SEL1L2: variants seen among roughly 807,000 people sequenced by gnomAD.
The protein encoded by SEL1L2 is protein sel-1 homolog 2.
In SEL1L2, 89 loss-of-function variants were observed where a neutral mutation model predicts 98.8. That is an observed-to-expected ratio of 0.90 (90% CI 0.76 to 1.07). The LOEUF (loss-of-function observed/expected upper bound fraction) is 1.07, where lower values mean the gene tolerates loss of function less well. Ranked by LOEUF, SEL1L2 falls within the 50% of genes least tolerant of loss-of-function variation. SEL1L2 has a pLI of 0.00. For synonymous variants in SEL1L2, 262 were observed against 278.5 expected, an observed-to-expected ratio of 0.94 and a Z score of 0.59; for missense variants, 788 against 812.0, an observed-to-expected ratio of 0.97 and a Z score of 0.36.
chr20:13,969,347 C>T (rs969772137), intron 1 of SEL1L2, among the ~76,000 whole-genome samples: 9 of 152,180 alleles, frequency 5.9e-5, no homozygotes, highest in Non-Finnish European at 1.0e-4. Context: ...TCCAAATCTT[C>T]CATCATGTTT....
chr20:13,993,421 G>C (rs2052574698), upstream of SEL1L2, among the ~76,000 whole-genome samples: 4 of 152,304 alleles, frequency 2.6e-5, no homozygotes, highest in Middle Eastern at 6.8e-3. Context: ...CACATTTCAA[G>C]TACTTTAGGG....
At chr20:13,908,470 T>TAATA (rs2048075670) in intron 5 of SEL1L2, among the ~76,000 whole-genome samples, 2 of 152,300 alleles carry the variant, frequency 1.3e-5, no homozygotes, top group South Asian at 2.1e-4. Context: ...CCTTCTTGTC[T>TAATA]GGCAAATTAA....
At chr20:13,946,909 C>T (rs1027807259) in intron 2 of SEL1L2, among the ~76,000 whole-genome samples, 15 of 152,230 alleles carry the variant, frequency 9.9e-5, no homozygotes, top group African/African-American at 1.4e-4. Flanking sequence ...GCCTCAGCCC[C>T]TCTGGACTTT....
intron 2 of SEL1L2, among the ~76,000 whole-genome samples, chr20:13,940,491 G>A (rs548202130): frequency 2.0e-5 from 3 of 152,288 alleles, no homozygotes; most frequent in Non-Finnish European, 4.4e-5. Context: ...GTAGGGGGGT[G>A]ATATCATACA....
intron 10 of SEL1L2, 126 bp downstream of exon 10, chr20:13,885,221 A>G: frequency 1.4e-6 from 1 of 697,354 alleles, no homozygotes; most frequent in South Asian, 1.7e-5. Context: ...TAGCTGACCA[A>G]GGAAGCATCA....
chr20:13,860,618 C>T lies in SEL1L2; in HGVS notation c.1646-1184G>A, dbSNP rs6033837. 8.5e-5 allele frequency among the ~76,000 whole-genome samples: 13 copies of T among 152,094 alleles called. No homozygotes were observed. In the South Asian group the frequency reaches 1.0e-3, roughly 12 times the overall value. On this transcript the variant is annotated intron_variant, in intron 17 of 19. Transcript: ENST00000284951. ...CCACTTCCTAAATGTGGAATGTCAA[C>T]GGCTCGCTCCCAACTCCTTTTTTTC...
At chr20:13,990,627 G>A (rs1422594995), upstream of SEL1L2, 15 of 933,960 alleles carry the variant, frequency 1.6e-5, no homozygotes, top group Non-Finnish European at 2.5e-5. Context: ...GGTGGGGGCA[G>A]GAGTCAGTTG....
intron 5 of SEL1L2, among the ~76,000 whole-genome samples, chr20:13,896,167 C>T (rs546158890): frequency 6.6e-6 from 1 of 150,948 alleles, no homozygotes; most frequent in East Asian, 2.0e-4. Flanking sequence ...AGAGTGAGGC[C>T]CCATCTCAAA....
chr20:13,938,682 G>A (rs574112234), intron 2 of SEL1L2, among the ~76,000 whole-genome samples: 1 of 152,094 alleles, frequency 6.6e-6, no homozygotes, highest in African/African-American at 2.4e-5. Flanking sequence ...GTCTAACTGT[G>A]AGCAAATTAA....
Position 13,919,023 on chromosome 20 carries a change from T to C in SEL1L2, c.384A>G (p.Glu128=). Reference sequence around the variant, plus strand: ...AAGGTCACTGGATAAAGACTTACTCTTCTTTTTGTTTTTGGCTTTTAGACT... The same window carrying C: ...AAGGTCACTGGATAAAGACTTACTCCTCTTTTTGTTTTTGGCTTTTAGACT... ...LQQSKSQKQK[E]EAYLLFAKAA... The change falls in exon 4 of 20, where the codon GAA becomes GAG. Residue 128 remains glutamate (E), a splice_region_variant and synonymous_variant. Transcript: ENST00000284951. The C allele has an allele frequency of 6.2e-7, 1 of 1,606,062 alleles. No individual in the cohort carries two copies. The highest frequency in any genetic ancestry group is 1.1e-5 in the South Asian group (1 of 90,290).
intron 18 of SEL1L2, among the ~76,000 whole-genome samples, chr20:13,856,151 T>G (rs76584903): frequency 2.6e-5 from 3 of 113,566 alleles, no homozygotes; most frequent in Non-Finnish European, 3.9e-5. Flanking sequence ...TTTTTTGGGG[T>G]TTTTTTTTTT....
At chr20:13,932,982 C>T (rs971255923) in intron 2 of SEL1L2, among the ~76,000 whole-genome samples, 3 of 151,728 alleles carry the variant, frequency 2.0e-5, no homozygotes, top group Non-Finnish European at 4.4e-5. Context: ...TGGAGGCGTC[C>T]GGATTGCCTG....
At chr20:13,945,477 AAT>A (rs1366983494) in intron 2 of SEL1L2, among the ~76,000 whole-genome samples, 1 of 150,664 alleles carries the variant, frequency 6.6e-6, no homozygotes, top group East Asian at 1.9e-4. Flanking sequence ...TGTACATTTT[AAT>A]ATATACATAT....
At chr20:13,924,053 T>C (rs1406216271) in intron 3 of SEL1L2, among the ~76,000 whole-genome samples, 1 of 152,220 alleles carries the variant, frequency 6.6e-6, no homozygotes, top group Non-Finnish European at 1.5e-5. Context: ...GAACATTATG[T>C]GGTGATTCTC....
At chr20:13,874,726 A>C (rs2046358268) in intron 12 of SEL1L2, among the ~76,000 whole-genome samples, 1 of 152,182 alleles carries the variant, frequency 6.6e-6, no homozygotes, top group Admixed American at 6.5e-5. Context: ...AATTTACACC[A>C]CAATAGCAGC....
intron 13 of SEL1L2, 94 bp downstream of exon 13, chr20:13,870,047 T>C: frequency 1.1e-6 from 1 of 878,028 alleles, no homozygotes; most frequent in African/African-American, 1.7e-5. Context: ...GCAAACCAGA[T>C]AATAGAGATA....
Position 13,869,600 on chromosome 20 carries a change from A to G in SEL1L2, c.1168-10T>C. On this transcript the variant is annotated splice_polypyrimidine_tract_variant and intron_variant, in intron 13 of 19. Transcript: ENST00000284951. ...GTGCTTCGGCATAATTCTGCAAGAT[A>G]ATTACACTCTATTACTCAAAGGCAC... The G allele has an allele frequency of 6.2e-7, 1 of 1,608,604 alleles. No individual in the cohort carries two copies. The highest frequency in any genetic ancestry group is 8.5e-7 in the Non-Finnish European group (1 of 1,174,994).
rs1198676469 is a variant in SEL1L2, at chr20:13,859,223, C to T, written c.1818+39G>A. The stretch of plus-strand genomic sequence containing the variant: ...TTACACATTCTGTCTTCTCACACAG[C>T]TGTCATTACTAGGTTTGAATTATTA... On this transcript the variant is annotated intron_variant, in intron 18 of 19. Transcript: ENST00000284951. 4 of 1,555,586 alleles carry T rather than the reference C, an allele frequency of 2.6e-6. No homozygotes were observed. In the East Asian group the frequency reaches 9.0e-5, roughly 35 times the overall value.
intron 3 of SEL1L2, among the ~76,000 whole-genome samples, chr20:13,928,489 C>T (rs1371593516): frequency 1.3e-5 from 2 of 152,150 alleles, no homozygotes; most frequent in African/African-American, 4.8e-5. Flanking sequence ...TTTATCTTAT[C>T]TATATTTGGT....
Sources: gnomAD v4.1 joint callset for allele counts (sites outside exome capture counted in the v4.1 genomes callset) on GRCh38, gnomAD v4.1.1 for gene constraint, MANE v1.5 for transcripts, NCBI Gene and HGNC (gene_info 2026-07-23, HGNC 2026-07-21) for gene names.